TRDN: variants seen among roughly 807,000 people sequenced by gnomAD.
TRDN encodes triadin.
TRDN carries 161 observed loss-of-function variants against 149.7 expected under a neutral mutation model. The observed-to-expected ratio is 1.08, with a 90% CI of 0.95 to 1.23. TRDN has a LOEUF of 1.23. Among genes scored for constraint, TRDN ranks in the 50% most tolerant of loss-of-function variants. The pLI is 0.00. For missense variants in TRDN, 896 were observed against 823.5 expected, an observed-to-expected ratio of 1.09 and a Z score of -1.08; for synonymous variants, 294 against 250.5, an observed-to-expected ratio of 1.17 and a Z score of -1.64.
intron 23 of TRDN, among the ~76,000 whole-genome samples, chr6:123,325,259 T>G (rs753100276): frequency 9.2e-5 from 14 of 152,146 alleles, no homozygotes; most frequent in Non-Finnish European, 1.9e-4. Flanking sequence ...ATCAATTTCT[T>G]CACTGTTAAC....
chr6:123,307,590 G>T (rs1296074040), intron 24 of TRDN, among the ~76,000 whole-genome samples: 2 of 151,766 alleles, frequency 1.3e-5, no homozygotes, highest in Non-Finnish European at 2.9e-5. Flanking sequence ...TACTGAAAAT[G>T]CTCTCCAAAC....
intron 38 of TRDN, among the ~76,000 whole-genome samples, chr6:123,250,750 T>G (rs1213317970): frequency 6.6e-6 from 1 of 152,114 alleles, no homozygotes; most frequent in Non-Finnish European, 1.5e-5. Flanking sequence ...CTACTGCTAT[T>G]ACTATGAAGT....
chr6:123,465,087 C>T (rs2114709933), intron 9 of TRDN, 104 bp from the exon 10 acceptor site: 1 of 1,206,788 alleles, frequency 8.3e-7, no homozygotes, highest in Non-Finnish European at 1.1e-6. Context: ...ATTCATAATA[C>T]CAAGCCAAGT....
chr6:123,446,606 A>G (rs796084518), intron 10 of TRDN, among the ~76,000 whole-genome samples: 1 of 146,022 alleles, frequency 6.8e-6, no homozygotes, highest in African/African-American at 2.6e-5. Context: ...AAAAAAAAAA[A>G]AAAGAAGAGC....
At chr6:123,346,158 T>C (rs1044326170) in intron 21 of TRDN, among the ~76,000 whole-genome samples, 1 of 152,066 alleles carries the variant, frequency 6.6e-6, no homozygotes, top group Non-Finnish European at 1.5e-5. Flanking sequence ...ATGTTAGCTG[T>C]AGGATTTTTG....
intron 38 of TRDN, 84 bp from the exon 39 acceptor site, chr6:123,224,215 G>A: frequency 7.6e-7 from 1 of 1,318,774 alleles, no homozygotes; most frequent in East Asian, 2.3e-5. Context: ...AGGTTTTTAA[G>A]AGTCACAAGA....
Position 123,480,464 on chromosome 6 carries a change from C to T in TRDN, c.854-15481G>A, listed in dbSNP as rs116948054. ...AGAAGAGATATCAGTTCTCATAAGG[C>T]GGTTGTTTACCAACGAAGTTTTCAC... On this transcript the variant is annotated intron_variant, in intron 9 of 40. Coordinates refer to ENST00000334268, the MANE Select transcript of TRDN (RefSeq NM_006073.4). Among the ~76,000 whole-genome samples the T allele has an allele frequency of 3.9e-3, 589 of 152,068 alleles. 2 individuals are homozygous for T. The highest frequency in any genetic ancestry group is 6.5e-3 in the Admixed American group (99 of 15,240).
intron 26 of TRDN, among the ~76,000 whole-genome samples, chr6:123,277,525 A>G (rs1042364410): frequency 2.0e-5 from 3 of 152,158 alleles, no homozygotes; most frequent in African/African-American, 7.2e-5. Flanking sequence ...TGGGTATTTA[A>G]TCCAATATGA....
chr6:123,395,668 A>T lies in TRDN; in HGVS notation c.1052-1991T>A, dbSNP rs1772695842. 2.0e-5 allele frequency among the ~76,000 whole-genome samples: 3 copies of T among 152,270 alleles called. No homozygotes were observed. The South Asian group carries it at 6.2e-4, about 32-fold the overall frequency. ...AAATGCACACTGATGCATTGAAGATACTGTTTCCAGGTAAAAGTGTATTTT... is the reference window on the plus strand; with the variant it reads ...AAATGCACACTGATGCATTGAAGATTCTGTTTCCAGGTAAAAGTGTATTTT... On this transcript the variant is annotated intron_variant, in intron 12 of 40. Coordinates refer to ENST00000334268, the MANE Select transcript of TRDN (RefSeq NM_006073.4).
In TRDN at chr6:123,438,932, T is replaced by C; in HGVS notation, c.991+12A>G. ...ATTGATTTATGTGGTACATGGCTTT[T>C]AAATTTCCTACCTTTCTTTTTTGTT... On this transcript the variant is annotated intron_variant, in intron 11 of 40. Transcript: ENST00000334268. The C allele has an allele frequency of 6.4e-7, 1 of 1,552,480 alleles. No individual in the cohort carries two copies. The highest frequency in any genetic ancestry group is 8.7e-7 in the Non-Finnish European group (1 of 1,146,858).
intron 23 of TRDN, among the ~76,000 whole-genome samples, chr6:123,329,078 C>A (rs571315016): frequency 1.3e-5 from 2 of 152,124 alleles, no homozygotes. Flanking sequence ...CTTCCATATT[C>A]CTGGAAAATG....
chr6:123,488,534 A>C (rs560685126), intron 9 of TRDN, among the ~76,000 whole-genome samples: 5 of 152,102 alleles, frequency 3.3e-5, no homozygotes, highest in Admixed American at 3.3e-4. Flanking sequence ...TTACTTTCCT[A>C]TCTTTTGATA....
At chr6:123,305,304 C>T (rs1413724764) in intron 24 of TRDN, among the ~76,000 whole-genome samples, 2 of 152,056 alleles carry the variant, frequency 1.3e-5, no homozygotes, top group African/African-American at 4.8e-5. Flanking sequence ...TCTAGGGTTT[C>T]TATATGATCA....
intron 23 of TRDN, among the ~76,000 whole-genome samples, chr6:123,317,397 T>C (rs943470650): frequency 1.3e-5 from 2 of 151,952 alleles, no homozygotes; most frequent in African/African-American, 4.8e-5. Context: ...ACCAGCTTTA[T>C]TTGGGTTTTA....
intron 24 of TRDN, among the ~76,000 whole-genome samples, chr6:123,292,573 C>T (rs1469281290): frequency 6.6e-6 from 1 of 152,090 alleles, no homozygotes; most frequent in Non-Finnish European, 1.5e-5. Flanking sequence ...CCCTGTTTAG[C>T]CAGGAGACTT....
intron 1 of TRDN, among the ~76,000 whole-genome samples, chr6:123,592,548 G>A (rs1004030649): frequency 5.3e-5 from 8 of 152,114 alleles, no homozygotes; most frequent in East Asian, 1.9e-4. Context: ...ATTCCCTATC[G>A]GATCATTTCA....
intron 21 of TRDN, 192 bp downstream of exon 21, chr6:123,352,347 G>C (rs1052466011): frequency 3.0e-6 from 3 of 985,072 alleles, no homozygotes; most frequent in Non-Finnish European, 3.6e-6. Flanking sequence ...TCAAAGTTCA[G>C]TTACACAAAA....
intron 12 of TRDN, among the ~76,000 whole-genome samples, chr6:123,416,729 T>C (rs1773666540): frequency 6.7e-6 from 1 of 149,132 alleles, no homozygotes; most frequent in South Asian, 2.1e-4. Flanking sequence ...TGACAGAGTC[T>C]TGCTCTGTTG....
rs879467500 is a variant in TRDN at position 123,218,346 on chromosome 6, T to C, written c.*255A>G. 1.0e-5 allele frequency: 4 copies of C among 382,990 alleles called. No individual in the cohort carries two copies. Among genetic ancestry groups the C allele is most frequent in the Non-Finnish European group, 1.9e-5 (4 of 210,544 alleles). The allele number at this position is 382,990 out of a possible 1,614,324, so 23.7% of individuals were successfully genotyped here. On this transcript the variant is annotated 3_prime_UTR_variant, in exon 41 of 41. Coordinates refer to ENST00000334268, the MANE Select transcript of TRDN (RefSeq NM_006073.4). Reference sequence around the variant, plus strand: ...AGTTTGTGTACAACCTTATAGTGACTGGAAATAAGATAAATACAAGCACCC... The same window carrying C: ...AGTTTGTGTACAACCTTATAGTGACCGGAAATAAGATAAATACAAGCACCC...
Sources: gnomAD v4.1 joint callset for allele counts (sites outside exome capture counted in the v4.1 genomes callset) on GRCh38, gnomAD v4.1.1 for gene constraint, MANE v1.5 for transcripts, NCBI Gene and HGNC (gene_info 2026-07-23, HGNC 2026-07-21) for gene names.